Variants in PCDHB15 observed in about 807,000 individuals in gnomAD.
The protein encoded by PCDHB15 is protocadherin beta-15.
For missense variants in PCDHB15, 1,032 were observed against 991.7 expected (o/e 1.04, Z -0.55); for synonymous variants, 492 against 447.9 (o/e 1.10, Z -1.24).
At position 141,247,762 on chromosome 5, in the gene PCDHB15, C is replaced by G; in HGVS notation, c.2184C>G (p.Pro728=). ...RAASVGRCSV[P]EGPFPGHLVD... ...CCTCAGTGGGTCGCTGCTCGGTGCC[C>G]GAGGGCCCCTTTCCAGGGCATCTGG... Residue 728 remains proline (P), a synonymous_variant, in exon 1 of 1, where the codon CCC becomes CCG. Transcript: ENST00000231173. 6.2e-7 allele frequency: 1 copy of G among 1,614,158 alleles called. No individual in the cohort carries two copies. Among genetic ancestry groups the G allele is most frequent in the Non-Finnish European group, 8.5e-7 (1 of 1,180,030 alleles).
In PCDHB15 at chr5:141,246,199, G is replaced by A. The variant is rs1554291862; in HGVS notation, c.621G>A (p.Glu207=). 5 of 1,614,198 alleles carry A rather than the reference G, an allele frequency of 3.1e-6. No individual in the cohort carries two copies. The highest frequency in any genetic ancestry group is 3.4e-6 in the Non-Finnish European group (4 of 1,180,034). ...DTELDREEQA[E]LRLTLTAVDG... is the part of the protein sequence containing the mutation. The stretch of plus-strand genomic sequence containing the variant: ...AACTGGATCGCGAGGAGCAGGCCGA[G>A]CTCAGATTAACCTTGACAGCGGTGG... The change falls in exon 1 of 1, where the codon GAG becomes GAA. Residue 207 remains glutamate, a synonymous_variant. Transcript: ENST00000231173.
chr5:141,246,136 G>A lies in PCDHB15; in HGVS notation c.558G>A (p.Gly186=), dbSNP rs1179609542. The change falls in exon 1 of 1, where the codon GGG becomes GGA. Residue 186 remains glycine (G), a synonymous_variant. Transcript: ENST00000231173. ...TCCATGTTTCCACTCGCACCCGAGGGGATGGCAGGAAATACCCAGAGCTGG... is the reference window on the plus strand; with the variant it reads ...TCCATGTTTCCACTCGCACCCGAGGAGATGGCAGGAAATACCCAGAGCTGG... ...SHFHVSTRTR[G]DGRKYPELVL... is the part of the protein sequence containing the mutation. 1 of 1,614,068 alleles carries A rather than the reference G, an allele frequency of 6.2e-7. No individual in the cohort carries two copies. The highest frequency in any genetic ancestry group is 1.3e-5 in the African/African-American group (1 of 74,924).
rs539170158 is a variant in PCDHB15 at position 141,247,639 on chromosome 5, C to A, written c.2061C>A (p.Thr687=). Residue 687 remains threonine (T), a synonymous_variant, in exon 1 of 1, where the codon ACC becomes ACA. Transcript: ENST00000231173. ...CCCAAGCCCAGGCCGACTCGCTTAC[C>A]GTCTACCTGGTGGTGGCATTGGCCT... ...APAQAQADSL[T]VYLVVALASV... is the part of the protein sequence containing the mutation. The A allele has an allele frequency of 1.9e-6, 3 of 1,610,418 alleles. No individual in the cohort carries two copies. The highest frequency in any genetic ancestry group is 2.7e-5 in the African/African-American group (2 of 75,026).
In PCDHB15 at chr5:141,246,286, T is replaced by C. The variant is rs200036477; in HGVS notation, c.708T>C (p.Asn236=). The C allele has an allele frequency of 1.2e-6, 2 of 1,613,994 alleles. No homozygotes were observed. Among genetic ancestry groups the C allele is most frequent in the African/African-American group, 2.7e-5 (2 of 74,890 alleles). ...VQILILVLDA[N]DNAPEFVQAL... ...TCCTCATCTTGGTCTTGGACGCCAA[T>C]GACAATGCCCCGGAGTTTGTGCAGG... Residue 236 remains asparagine (N), a synonymous_variant, in exon 1 of 1, where the codon AAT becomes AAC. Coordinates refer to ENST00000231173, the MANE Select transcript of PCDHB15 (RefSeq NM_018935.4).
At position 141,249,308 on chromosome 5, in the gene PCDHB15, C is replaced by A. The variant is rs1755346434; in HGVS notation, c.*1366C>A. ...CCTGCTGTACAGATTTTGGACTTGT[C>A]CAGCCACGTTTCAAAACTGAGTAAG... On this transcript the variant is annotated 3_prime_UTR_variant, in exon 1 of 1. Coordinates refer to ENST00000231173, the MANE Select transcript of PCDHB15 (RefSeq NM_018935.4). 1 of 152,208 alleles carries A rather than the reference C, an allele frequency of 6.6e-6. No individual in the cohort carries two copies. The highest frequency in any genetic ancestry group is 2.4e-5 in the African/African-American group (1 of 41,440). 9.4% of individuals were successfully genotyped at this position (152,208 alleles called of 1,614,324 possible).
rs1281245820 is a variant in PCDHB15 at position 141,245,822 on chromosome 5, G to A, written c.244G>A (p.Gly82Arg). Reference sequence around the variant, plus strand: ...AGGCTTGCAGCTTGATCTGCAGACCGGGCAGTTGATATTAAATGAGAAGCT... The same window carrying A: ...AGGCTTGCAGCTTGATCTGCAGACCAGGCAGTTGATATTAAATGAGAAGCT... ...EQGLQLDLQT[G>R]QLILNEKLDR... Residue 82 changes from glycine (G) to arginine (R), a missense_variant, in exon 1 of 1, where the codon GGG (glycine) becomes AGG (arginine). By Grantham distance (125) the Gly-to-Arg change is moderately radical. Coordinates refer to ENST00000231173, the MANE Select transcript of PCDHB15 (RefSeq NM_018935.4). 4 of 1,614,050 alleles carry A rather than the reference G, an allele frequency of 2.5e-6. No homozygotes were observed. Among genetic ancestry groups the A allele is most frequent in the East Asian group, 2.2e-5 (1 of 44,890 alleles).
Position 141,246,532 on chromosome 5 carries a change from T to C in PCDHB15, c.954T>C (p.Asp318=), listed in dbSNP as rs1405348264. 3 of 1,614,062 alleles carry C rather than the reference T, an allele frequency of 1.9e-6. No individual in the cohort carries two copies. In the African/African-American group the frequency reaches 4.0e-5, roughly 22 times the overall value. ...DFETMSSYDL[D]IEASDGGGLS... ...AGACAATGTCTTCGTATGATCTAGA[T>C]ATAGAGGCATCTGATGGCGGGGGAC... Residue 318 remains aspartate, a synonymous_variant, in exon 1 of 1, where the codon GAT becomes GAC. Coordinates refer to ENST00000231173, the MANE Select transcript of PCDHB15 (RefSeq NM_018935.4).
rs1755245053 is a variant in PCDHB15 at position 141,245,887 on chromosome 5, A to G, written c.309A>G (p.Ile103Met). The change falls in exon 1 of 1, where the codon ATA becomes ATG. Residue 103 changes from isoleucine (I) to methionine (M), a missense_variant. Coordinates refer to ENST00000231173, the MANE Select transcript of PCDHB15 (RefSeq NM_018935.4). ...TGTGTGGCCCTACTGAGCCCTGTAT[A>G]ATGCATTTCCAAGTGTTACTGAAAA... ...EKLCGPTEPCIMHFQVLLKKP... is the reference protein window; with the variant it reads ...EKLCGPTEPCMMHFQVLLKKP... 5 of 1,614,164 alleles carry G rather than the reference A, an allele frequency of 3.1e-6. No homozygotes were observed. In the East Asian group the frequency reaches 1.1e-4, roughly 36 times the overall value.
At position 141,246,261 on chromosome 5, in the gene PCDHB15, T is replaced by C; in HGVS notation, c.683T>C (p.Ile228Thr). ...CCACCCCGATCTGGCACCGTCCAGATCCTCATCTTGGTCTTGGACGCCAAT... is the reference window on the plus strand; with the variant it reads ...CCACCCCGATCTGGCACCGTCCAGACCCTCATCTTGGTCTTGGACGCCAAT... The part of the protein sequence containing the change: ...GSPPRSGTVQ[I>T]LILVLDANDN... The change falls in exon 1 of 1, where the codon ATC becomes ACC. Residue 228 changes from isoleucine to threonine, a missense_variant. By Grantham distance (89) the Ile-to-Thr change is moderately conservative. Transcript: ENST00000231173. The C allele has an allele frequency of 6.2e-7, 1 of 1,614,092 alleles. No individual in the cohort carries two copies. Among genetic ancestry groups the C allele is most frequent in the Non-Finnish European group, 8.5e-7 (1 of 1,180,006 alleles).
rs186549652 is a variant in PCDHB15 at position 141,245,521 on chromosome 5, C to G, written c.-58C>G. The G allele has an allele frequency of 1.4e-6, 2 of 1,468,232 alleles. No homozygotes were observed. The highest frequency in any genetic ancestry group is 1.4e-5 in the African/African-American group (1 of 71,838). 91.0% of individuals were successfully genotyped at this position (1,468,232 alleles called of 1,614,324 possible). A position where few individuals can be genotyped will look rare whatever the true frequency, so the allele number is the denominator to read the frequency against. ...AGATCGATCACTGCCTCTGTCCCAT[C>G]GCTCCCTGAAGTAGCTCTGACTCCG... On this transcript the variant is annotated 5_prime_UTR_variant, in exon 1 of 1. It adds an upstream start codon to the 5' untranslated region. Coordinates refer to ENST00000231173, the MANE Select transcript of PCDHB15 (RefSeq NM_018935.4).
At position 141,246,203 on chromosome 5, in the gene PCDHB15, A is replaced by C. The variant is rs114818434; in HGVS notation, c.625A>C (p.Arg209=). The C allele has an allele frequency of 4.3e-6, 7 of 1,614,204 alleles. No homozygotes were observed. The African/African-American group carries it at 6.7e-5, about 15-fold the overall frequency. The change falls in exon 1 of 1, where the codon AGA becomes CGA. Residue 209 remains arginine (R), a synonymous_variant. Transcript: ENST00000231173. ...GGATCGCGAGGAGCAGGCCGAGCTC[A>C]GATTAACCTTGACAGCGGTGGACGG... The part of the protein sequence containing the change: ...ELDREEQAEL[R]LTLTAVDGGS...
rs782684982 is a variant in PCDHB15, at chr5:141,246,483, G to C, written c.905G>C (p.Arg302Pro). Residue 302 changes from arginine (R) to proline (P), a missense_variant, in exon 1 of 1, where the codon CGA becomes CCA. Coordinates refer to ENST00000231173, the MANE Select transcript of PCDHB15 (RefSeq NM_018935.4). Reference protein sequence around the residue: ...FELSSLSGEIRLIKKLDFETM... With the variant: ...FELSSLSGEIPLIKKLDFETM... ...CTAAGCAGCCTTTCAGGAGAAATTC[G>C]ACTAATTAAAAAACTAGATTTTGAG... 1 of 1,614,060 alleles carries C rather than the reference G, an allele frequency of 6.2e-7. No individual in the cohort carries two copies. The highest frequency in any genetic ancestry group is 1.1e-5 in the South Asian group (1 of 91,066).
At position 141,246,956 on chromosome 5, in the gene PCDHB15, G is replaced by A. The variant is rs377255361; in HGVS notation, c.1378G>A (p.Val460Ile). 1.9e-6 allele frequency: 3 copies of A among 1,613,206 alleles called. No individual in the cohort carries two copies. Among genetic ancestry groups the A allele is most frequent in the Non-Finnish European group, 1.7e-6 (2 of 1,180,022 alleles). Residue 460 changes from valine (V) to isoleucine (I), a missense_variant, in exon 1 of 1, where the codon GTC (valine) becomes ATC (isoleucine). Coordinates refer to ENST00000231173, the MANE Select transcript of PCDHB15 (RefSeq NM_018935.4). Reference sequence around the variant, plus strand: ...CACCCAAACCTCCTACACCCTGTTCGTCCGCGAGAACAACAGCCCCGCCCT... The same window carrying A: ...CACCCAAACCTCCTACACCCTGTTCATCCGCGAGAACAACAGCCCCGCCCT... ...AFTQTSYTLF[V>I]RENNSPALHI...
At position 141,249,023 on chromosome 5, in the gene PCDHB15, G is replaced by T. The variant is rs1231519067; in HGVS notation, c.*1081G>T. ...TGGTATTGCATGCAAAATAATGACC[G>T]CCAAGATGTTCCTGCCCTAATCCCC... is the stretch of plus-strand genomic sequence containing the variant. On this transcript the variant is annotated 3_prime_UTR_variant, in exon 1 of 1. Transcript: ENST00000231173. 2 of 151,980 alleles carry T rather than the reference G, an allele frequency of 1.3e-5. No individual in the cohort carries two copies. Among genetic ancestry groups the T allele is most frequent in the Admixed American group, 1.3e-4 (2 of 15,256 alleles). 9.4% of individuals were successfully genotyped at this position (151,980 alleles called of 1,614,324 possible). A position where few individuals can be genotyped will look rare whatever the true frequency, so the allele number is the denominator to read the frequency against.
In PCDHB15 at chr5:141,246,438, A is replaced by G; in HGVS notation, c.860A>G (p.Glu287Gly). The G allele has an allele frequency of 6.2e-7, 1 of 1,614,154 alleles. No homozygotes were observed. Among genetic ancestry groups the G allele is most frequent in the Non-Finnish European group, 8.5e-7 (1 of 1,180,002 alleles). The change falls in exon 1 of 1, where the codon GAG becomes GGG. Residue 287 changes from glutamate to glycine, a missense_variant. Physicochemically the swap from Glu to Gly is moderately conservative, Grantham distance 98. Coordinates refer to ENST00000231173, the MANE Select transcript of PCDHB15 (RefSeq NM_018935.4). ...TACTCCCTTTATTACAGCTCTCAGG[A>G]GATAGACAAACCTTTTGAGCTAAGC... ...ISYSLYYSSQ[E>G]IDKPFELSSL...
Position 141,246,458 on chromosome 5 carries a change from C to A in PCDHB15, c.880C>A (p.Leu294Ile), listed in dbSNP as rs1755264375. ...SSQEIDKPFE[L>I]SSLSGEIRLI... The stretch of plus-strand genomic sequence containing the variant: ...TCAGGAGATAGACAAACCTTTTGAG[C>A]TAAGCAGCCTTTCAGGAGAAATTCG... Residue 294 changes from leucine to isoleucine, a missense_variant, in exon 1 of 1, where the codon CTA becomes ATA. Coordinates refer to ENST00000231173, the MANE Select transcript of PCDHB15 (RefSeq NM_018935.4). 1 of 1,614,048 alleles carries A rather than the reference C, an allele frequency of 6.2e-7. No individual in the cohort carries two copies. The highest frequency in any genetic ancestry group is 1.7e-5 in the Admixed American group (1 of 60,002).
In PCDHB15 at chr5:141,246,076, T is replaced by C. The variant is rs781952240; in HGVS notation, c.498T>C (p.Asn166=). The C allele has an allele frequency of 1.9e-6, 3 of 1,614,140 alleles. No homozygotes were observed. The highest frequency in any genetic ancestry group is 1.7e-5 in the Admixed American group (1 of 60,028). The change falls in exon 1 of 1, where the codon AAT becomes AAC. Residue 166 remains asparagine, a synonymous_variant. Transcript: ENST00000231173. ...GGGACTTGGACGTGGGCAGCAATAA[T>C]GTTCAAAACTACAATATTTCTCCCA... is the stretch of plus-strand genomic sequence containing the variant. ...KARDLDVGSN[N]VQNYNISPNS...
At position 141,247,456 on chromosome 5, in the gene PCDHB15, C is replaced by A; in HGVS notation, c.1878C>A (p.Thr626=). 6.2e-7 allele frequency: 1 copy of A among 1,607,648 alleles called. No individual in the cohort carries two copies. Among genetic ancestry groups the A allele is most frequent in the Non-Finnish European group, 8.5e-7 (1 of 1,179,654 alleles). The change falls in exon 1 of 1, where the codon ACC becomes ACA. Residue 626 remains threonine (T), a synonymous_variant. Transcript: ENST00000231173. ...GGGCGCACAATGGCGAGGTGCGCAC[C>A]GCCAGGCTGCTGAGCGAGCGCGACG... ...GVWAHNGEVR[T]ARLLSERDVA... is the part of the protein sequence containing the mutation.
rs782066180 is a variant in PCDHB15 at position 141,246,861 on chromosome 5, C to T, written c.1283C>T (p.Thr428Ile). The change falls in exon 1 of 1, where the codon ACT becomes ATT. Residue 428 changes from threonine to isoleucine, a missense_variant. Physicochemically the swap from Thr to Ile is moderately conservative, Grantham distance 89. Coordinates refer to ENST00000231173, the MANE Select transcript of PCDHB15 (RefSeq NM_018935.4). ...NITITITDLG[T>I]PRLKTEQSIT... ...ACCATCACCATCACAGACTTGGGGA[C>T]TCCAAGGCTGAAAACCGAGCAGAGC... 2 of 1,614,136 alleles carry T rather than the reference C, an allele frequency of 1.2e-6. No individual in the cohort carries two copies. Among genetic ancestry groups the T allele is most frequent in the Non-Finnish European group, 1.7e-6 (2 of 1,180,048 alleles).
Sources: gnomAD v4.1 joint callset for allele counts on GRCh38, gnomAD v4.1.1 for gene constraint, MANE v1.5 for transcripts, NCBI Gene and HGNC (gene_info 2026-07-23, HGNC 2026-07-21) for gene names.